Variants in SAMD3 observed in about 807,000 individuals in gnomAD.
SAMD3 encodes sterile alpha motif domain containing 3.
SAMD3 carries 63 observed loss-of-function variants against 58.5 expected under a neutral mutation model. The ratio of observed to expected loss-of-function variants is 1.08; its 90% confidence interval spans 0.88 to 1.33. SAMD3 has a LOEUF of 1.33. Among genes scored for constraint, SAMD3 ranks in the 40% most tolerant of loss-of-function variants. The pLI, the probability that SAMD3 is intolerant of heterozygous loss-of-function variation, is 0.00. For synonymous variants in SAMD3, 220 were observed against 210.3 expected, an observed-to-expected ratio of 1.05 and a Z score of -0.40; for missense variants, 604 against 608.4, an observed-to-expected ratio of 0.99 and a Z score of 0.08.
At chr6:130,200,812 TG>T in intron 5 of SAMD3, among the ~76,000 whole-genome samples, 1 of 152,248 alleles carries the variant, frequency 6.6e-6, no homozygotes, top group South Asian at 2.1e-4. Context: ...CTCTGTTGAG[TG>T]TTTTCTATAT....
At chr6:130,270,988 GT>G (rs74896632) in intron 2 of SAMD3, among the ~76,000 whole-genome samples, 1 of 97,876 alleles carries the variant, frequency 1.0e-5, no homozygotes, top group Non-Finnish European at 1.7e-5. Context: ...ACCCAATCTT[GT>G]TTTTTTTGTT....
At chr6:130,278,458 T>C (rs1208228646) in intron 2 of SAMD3, among the ~76,000 whole-genome samples, 1 of 152,192 alleles carries the variant, frequency 6.6e-6, no homozygotes, top group South Asian at 2.1e-4. Context: ...GTGAACCCAT[T>C]GGGCAGTTAC....
chr6:130,189,428 T>A (rs1252524486), intron 5 of SAMD3, among the ~76,000 whole-genome samples: 1 of 152,278 alleles, frequency 6.6e-6, no homozygotes, highest in South Asian at 2.1e-4. Context: ...CACCAAAAAA[T>A]AAATTTCTAT....
intron 2 of SAMD3, among the ~76,000 whole-genome samples, chr6:130,230,976 G>T (rs1248007212): frequency 6.6e-6 from 1 of 152,050 alleles, no homozygotes; most frequent in Non-Finnish European, 1.5e-5. Flanking sequence ...TTAGCCTTTA[G>T]TCATGTTCTG....
chr6:130,328,926 T>G (rs1776838292), intron 1 of SAMD3, among the ~76,000 whole-genome samples: 1 of 152,114 alleles, frequency 6.6e-6, no homozygotes, highest in African/African-American at 2.4e-5. Flanking sequence ...AAATGGCAGA[T>G]TTACCAAGAC....
At chr6:130,244,915 T>G (rs1397880204) in intron 2 of SAMD3, among the ~76,000 whole-genome samples, 1 of 152,110 alleles carries the variant, frequency 6.6e-6, no homozygotes, top group Non-Finnish European at 1.5e-5. Context: ...TGTTTGCCAT[T>G]TTTGCTTACA....
At chr6:130,331,054 C>T (rs992665530) in intron 1 of SAMD3, among the ~76,000 whole-genome samples, 13 of 152,106 alleles carry the variant, frequency 8.5e-5, no homozygotes, top group African/African-American at 2.2e-4. Flanking sequence ...TAAGCCATGA[C>T]TGAATATTAA....
At chr6:130,179,306 A>T (rs1320036157) in intron 7 of SAMD3, among the ~76,000 whole-genome samples, 1 of 152,216 alleles carries the variant, frequency 6.6e-6, no homozygotes, top group Non-Finnish European at 1.5e-5. Context: ...TCAGGTAGGC[A>T]GACTCAGTAG....
chr6:130,239,002 G>A (rs184892525), intron 2 of SAMD3, among the ~76,000 whole-genome samples: 119 of 152,170 alleles, frequency 7.8e-4, no homozygotes, highest in Non-Finnish European at 1.2e-3. Context: ...CAAGTCATCC[G>A]CCTGCTTCGG....
chr6:130,365,485 C>A, upstream of SAMD3: 1 of 985,536 alleles, frequency 1.0e-6, no homozygotes, highest in Non-Finnish European at 1.2e-6. Context: ...GGACCCCGGC[C>A]CGCCGGGCGG....
rs184480538 is a variant in SAMD3 at position 130,181,926 on chromosome 6, G to A, written c.654+2177C>T. Among the ~76,000 whole-genome samples the A allele has an allele frequency of 4.1e-3, 631 of 152,144 alleles. 6 individuals are homozygous for A. The highest frequency in any genetic ancestry group is 7.1e-3 in the Non-Finnish European group (486 of 68,000). ...TAAAAATACAACAAATTACCTGGGC[G>A]TGGTGGGGGGCACCTGTAGTCCCAG... On this transcript the variant is annotated intron_variant, in intron 7 of 11. Transcript: ENST00000439090.
intron 1 of SAMD3, among the ~76,000 whole-genome samples, chr6:130,339,501 T>C (rs1777206759): frequency 6.6e-6 from 1 of 152,134 alleles, no homozygotes; most frequent in Non-Finnish European, 1.5e-5. Flanking sequence ...TAAGTGACAG[T>C]TCTTCCTTCA....
intron 1 of SAMD3, among the ~76,000 whole-genome samples, chr6:130,355,334 GA>G (rs763522371): frequency 2.6e-5 from 4 of 152,150 alleles, no homozygotes; most frequent in Non-Finnish European, 5.9e-5. Context: ...TGAGGCAGGA[GA>G]ATCATTTGAA....
chr6:130,183,115 T>C (rs970269973), intron 7 of SAMD3: 1 of 314,068 alleles, frequency 3.2e-6, no homozygotes. Flanking sequence ...ACAGCAAACT[T>C]TGTGTTGAAA....
chr6:130,225,688 C>A (rs1236863329), upstream of SAMD3, among the ~76,000 whole-genome samples: 1 of 152,186 alleles, frequency 6.6e-6, no homozygotes, highest in African/African-American at 2.4e-5. Flanking sequence ...AAATGTGGCA[C>A]ACCAATATAA....
chr6:130,189,520 T>C (rs946431555), intron 5 of SAMD3, among the ~76,000 whole-genome samples: 22 of 152,242 alleles, frequency 1.4e-4, no homozygotes, highest in African/African-American at 5.1e-4. Context: ...TTTCTTTTAC[T>C]GTACCCGTTT....
At chr6:130,317,740 A>G (rs561385748) in intron 1 of SAMD3, among the ~76,000 whole-genome samples, 1 of 152,362 alleles carries the variant, frequency 6.6e-6, no homozygotes, top group South Asian at 2.1e-4. Context: ...TATACAAAAC[A>G]GCAGTTCTCA....
chr6:130,228,573 T>C (rs1467690946), intron 2 of SAMD3, among the ~76,000 whole-genome samples: 1 of 152,170 alleles, frequency 6.6e-6, no homozygotes, highest in Non-Finnish European at 1.5e-5. Flanking sequence ...CATAGGTATT[T>C]TTTAAAGCTC....
At chr6:130,345,489 T>C (rs954376891) in intron 1 of SAMD3, among the ~76,000 whole-genome samples, 2 of 152,026 alleles carry the variant, frequency 1.3e-5, no homozygotes, top group African/African-American at 4.8e-5. Flanking sequence ...GTATTTGTGT[T>C]AGGGAATACA....
Sources: allele counts gnomAD v4.1 joint callset (sites outside exome capture counted in the v4.1 genomes callset), GRCh38; gene constraint gnomAD v4.1.1; transcripts MANE v1.5; gene names NCBI Gene and HGNC (gene_info 2026-07-23, HGNC 2026-07-21).